Variants in CAMK2N2 observed in about 807,000 individuals in gnomAD.
The protein encoded by CAMK2N2 is calcium/calmodulin-dependent protein kinase II inhibitor 2.
In CAMK2N2, 3 loss-of-function variants were observed where a neutral mutation model predicts 7.8. The observed-to-expected ratio is 0.38, with a 90% CI of 0.18 to 0.99. The LOEUF (loss-of-function observed/expected upper bound fraction) is 0.99. Ranked by LOEUF, CAMK2N2 falls within the 50% of genes least tolerant of loss-of-function variation. CAMK2N2 has a pLI of 0.37. For synonymous variants in CAMK2N2, 45 were observed against 46.6 expected (o/e 0.97, Z 0.14); for missense variants, 85 against 108.4 (o/e 0.78, Z 0.96).
rs1349933490 is a variant in CAMK2N2 at position 184,260,073 on chromosome 3, G to C, written c.*84C>G. ...CCCGCGGGCGCCTGGGCCGGGGCGG[G>C]GGGGCGCCGGCAGCCGCATCGCCGG... On this transcript the variant is annotated 3_prime_UTR_variant, in exon 2 of 2. Coordinates refer to ENST00000296238, the MANE Select transcript of CAMK2N2 (RefSeq NM_033259.3). The surrounding 1 kb of genome is among the most constrained non-coding windows in gnomAD (Gnocchi z 6.6). 14 of 774,238 alleles carry C rather than the reference G, an allele frequency of 1.8e-5. 1 individual carries two copies. The highest frequency in any genetic ancestry group is 6.4e-5 in the Admixed American group (1 of 15,542). The allele number at this position is 774,238 out of a possible 1,614,324, so 48.0% of individuals were successfully genotyped here. A position where few individuals can be genotyped will look rare whatever the true frequency, so the allele number is the denominator to read the frequency against.
chr3:184,260,153 G>A lies in CAMK2N2; in HGVS notation c.*4C>T, dbSNP rs1416682969. 6.5e-7 allele frequency: 1 copy of A among 1,544,926 alleles called. No homozygotes were observed. The highest frequency in any genetic ancestry group is 1.2e-5 in the South Asian group (1 of 84,014). ...CCCGGAGCCCGCCGCCCGAGCCGGCGCGTCTACACTCCGGACGGCGGCTTC... is the reference window on the plus strand; with the variant it reads ...CCCGGAGCCCGCCGCCCGAGCCGGCACGTCTACACTCCGGACGGCGGCTTC... On this transcript the variant is annotated 3_prime_UTR_variant, in exon 2 of 2. Transcript: ENST00000296238. The surrounding 1 kb of genome is among the most constrained non-coding windows in gnomAD (Gnocchi z 6.6).
rs1401272467 is a variant in CAMK2N2, at chr3:184,261,441, C to T, written c.-156G>A. The T allele has an allele frequency of 6.4e-6, 3 of 472,196 alleles. No individual in the cohort carries two copies. The East Asian group carries it at 1.4e-4, about 23-fold the overall frequency. The allele number at this position is 472,196 out of a possible 1,614,324, so 29.3% of individuals were successfully genotyped here. A position where few individuals can be genotyped will look rare whatever the true frequency, so the allele number is the denominator to read the frequency against. On this transcript the variant is annotated 5_prime_UTR_variant, in exon 1 of 2. Coordinates refer to ENST00000296238, the MANE Select transcript of CAMK2N2 (RefSeq NM_033259.3). The surrounding 1 kb of genome is among the most constrained non-coding windows in gnomAD (Gnocchi z 5.1). ...GAGGAGCCAAGCGGGGCCTCCTCCC[C>T]CGCGCCTCCGCCTCCCGGGCCGCTG...
Position 184,261,140 on chromosome 3 carries a change from C to G in CAMK2N2, c.146G>C (p.Gly49Ala). The change falls in exon 1 of 2, where the codon GGC becomes GCC. Residue 49 changes from glycine (G) to alanine (A), a missense_variant. Gly to Ala is a moderately conservative substitution (Grantham distance 60). Transcript: ENST00000296238. This position sits in a 1 kb window ranked among gnomAD's most constrained non-coding sequence, Gnocchi z 5.1. ...GNQAKRPPKL[G>A]QIGRAKRVVI... ...ACCTCGCTTGGCTCGGCCGATCTGG[C>G]CCAGCTTGGGGGGTCGCTTGGCCTG... 2 of 1,605,440 alleles carry G rather than the reference C, an allele frequency of 1.2e-6. No homozygotes were observed. Among genetic ancestry groups the G allele is most frequent in the South Asian group, 2.2e-5 (2 of 90,298 alleles).
chr3:184,260,260 C>T lies in CAMK2N2; in HGVS notation c.170-33G>A, dbSNP rs1438367692. The T allele has an allele frequency of 6.3e-7, 1 of 1,599,604 alleles. No homozygotes were observed. The highest frequency in any genetic ancestry group is 8.5e-7 in the Non-Finnish European group (1 of 1,170,846). ...GGGAGAAAGCGCGTCAGCCGCGCGGCCTCGGGGGGCGGCGGCGATGAGAAT... is the reference window on the plus strand; with the variant it reads ...GGGAGAAAGCGCGTCAGCCGCGCGGTCTCGGGGGGCGGCGGCGATGAGAAT... On this transcript the variant is annotated intron_variant, in intron 1 of 1. Coordinates refer to ENST00000296238, the MANE Select transcript of CAMK2N2 (RefSeq NM_033259.3). The surrounding 1 kb of genome is among the most constrained non-coding windows in gnomAD (Gnocchi z 6.6).
Position 184,260,198 on chromosome 3 carries a change from C to A in CAMK2N2, c.199G>T (p.Val67Leu). Residue 67 changes from valine (V) to leucine (L), a missense_variant, in exon 2 of 2, where the codon GTG (valine) becomes TTG (leucine). Coordinates refer to ENST00000296238, the MANE Select transcript of CAMK2N2 (RefSeq NM_033259.3). This position sits in a 1 kb window ranked among gnomAD's most constrained non-coding sequence, Gnocchi z 6.6. ...VVIEDDRIDD[V>L]LKGMGEKPPS... ...GGCTTCTCCCCCATCCCCTTCAGCA[C>A]GTCGTCTATCCGGTCATCCTCGATC... The A allele has an allele frequency of 6.2e-7, 1 of 1,610,766 alleles. No individual in the cohort carries two copies. Among genetic ancestry groups the A allele is most frequent in the Non-Finnish European group, 8.5e-7 (1 of 1,178,658 alleles).
At position 184,261,223 on chromosome 3, in the gene CAMK2N2, G is replaced by A. The variant is rs1239488233; in HGVS notation, c.63C>T (p.Gly21=). The change falls in exon 1 of 2, where the codon GGC becomes GGT. Residue 21 remains glycine, a synonymous_variant. Coordinates refer to ENST00000296238, the MANE Select transcript of CAMK2N2 (RefSeq NM_033259.3). The surrounding 1 kb of genome is among the most constrained non-coding windows in gnomAD (Gnocchi z 5.1). ...KMGRFGADPE[G]SDLSFSCRLQ... ...GGCGGCAGCTGAAGGAGAGGTCGGA[G>A]CCCTCGGGGTCTGCGCCGAAGCGGC... The A allele has an allele frequency of 6.2e-7, 1 of 1,606,314 alleles. No homozygotes were observed. The highest frequency in any genetic ancestry group is 1.4e-5 in the African/African-American group (1 of 73,578).
At position 184,260,089 on chromosome 3, in the gene CAMK2N2, G is replaced by T. The variant is rs1041973954; in HGVS notation, c.*68C>A. 14 of 914,718 alleles carry T rather than the reference G, an allele frequency of 1.5e-5. No homozygotes were observed. Among genetic ancestry groups the T allele is most frequent in the Non-Finnish European group, 1.8e-5 (14 of 757,456 alleles). 56.7% of individuals were successfully genotyped at this position (914,718 alleles called of 1,614,324 possible). On this transcript the variant is annotated 3_prime_UTR_variant, in exon 2 of 2. Coordinates refer to ENST00000296238, the MANE Select transcript of CAMK2N2 (RefSeq NM_033259.3). The surrounding 1 kb of genome is among the most constrained non-coding windows in gnomAD (Gnocchi z 6.6). ...CCGGGGCGGGGGGGCGCCGGCAGCC[G>T]CATCGCCGGCCCGCGCTCCTGGCCG...
Position 184,260,544 on chromosome 3 carries a change from C to G in CAMK2N2, c.170-317G>C, listed in dbSNP as rs572430983. Reference sequence around the variant, plus strand: ...CAGAAACCTCTTGCTCACGGAATCCCCCTCTTCAACCCGCACTTCAACAGA... The same window carrying G: ...CAGAAACCTCTTGCTCACGGAATCCGCCTCTTCAACCCGCACTTCAACAGA... On this transcript the variant is annotated intron_variant, in intron 1 of 1. Transcript: ENST00000296238. The surrounding 1 kb of genome is among the most constrained non-coding windows in gnomAD (Gnocchi z 6.6). Among the ~76,000 whole-genome samples the G allele has an allele frequency of 6.6e-6, 1 of 152,322 alleles. No individual in the cohort carries two copies. The highest frequency in any genetic ancestry group is 1.9e-4 in the East Asian group (1 of 5,170).
chr3:184,261,412 G>A lies in CAMK2N2; in HGVS notation c.-127C>T. 3 of 763,206 alleles carry A rather than the reference G, an allele frequency of 3.9e-6. No individual in the cohort carries two copies. The highest frequency in any genetic ancestry group is 5.3e-6 in the Non-Finnish European group (3 of 566,166). 47.3% of individuals were successfully genotyped at this position (763,206 alleles called of 1,614,324 possible). A position where few individuals can be genotyped will look rare whatever the true frequency, so the allele number is the denominator to read the frequency against. On this transcript the variant is annotated 5_prime_UTR_variant, in exon 1 of 2. Coordinates refer to ENST00000296238, the MANE Select transcript of CAMK2N2 (RefSeq NM_033259.3). This position sits in a 1 kb window ranked among gnomAD's most constrained non-coding sequence, Gnocchi z 5.1. ...AAGGATGAAGTCATGCAGCATCCGG[G>A]GCTGAGGAGCCAAGCGGGGCCTCCT...
Position 184,260,096 on chromosome 3 carries a change from C to G in CAMK2N2, c.*61G>C, listed in dbSNP as rs903067817. The G allele has an allele frequency of 1.7e-5, 17 of 1,010,592 alleles. No homozygotes were observed. In the African/African-American group the frequency reaches 2.8e-4, roughly 17 times the overall value. The allele number at this position is 1,010,592 out of a possible 1,614,324, so 62.6% of individuals were successfully genotyped here. A position where few individuals can be genotyped will look rare whatever the true frequency, so the allele number is the denominator to read the frequency against. On this transcript the variant is annotated 3_prime_UTR_variant, in exon 2 of 2. Transcript: ENST00000296238. This position sits in a 1 kb window ranked among gnomAD's most constrained non-coding sequence, Gnocchi z 6.6. ...GGGGGGGCGCCGGCAGCCGCATCGC[C>G]GGCCCGCGCTCCTGGCCGCTGCGAG...
Position 184,261,314 on chromosome 3 carries a change from A to AGCGGGACTGCGGCGGGGCGCGG in CAMK2N2, c.-51_-30dup. On this transcript the variant is annotated 5_prime_UTR_variant, in exon 1 of 2. Transcript: ENST00000296238. This position sits in a 1 kb window ranked among gnomAD's most constrained non-coding sequence, Gnocchi z 5.1. ...GGGCGCGGGGTGGGCGCGGGGCGGG[A>AGCGGGACTGCGGCGGGGCGCGG]GCGGGACTGCGGCGGGGCGCGGGCG... 1 of 1,445,074 alleles carries AGCGGGACTGCGGCGGGGCGCGG rather than the reference A, an allele frequency of 6.9e-7. No individual in the cohort carries two copies. Among genetic ancestry groups the AGCGGGACTGCGGCGGGGCGCGG allele is most frequent in the Non-Finnish European group, 9.0e-7 (1 of 1,106,594 alleles). 89.5% of individuals were successfully genotyped at this position (1,445,074 alleles called of 1,614,324 possible). A position where few individuals can be genotyped will look rare whatever the true frequency, so the allele number is the denominator to read the frequency against.
Position 184,260,986 on chromosome 3 carries a change from C to T in CAMK2N2, c.169+131G>A. 2.1e-6 allele frequency: 2 copies of T among 971,462 alleles called. No individual in the cohort carries two copies. The highest frequency in any genetic ancestry group is 2.8e-6 in the Non-Finnish European group (2 of 702,350). 60.2% of individuals were successfully genotyped at this position (971,462 alleles called of 1,614,324 possible). ...CTGCAGCGGGGACCCCCCCCTCCAG[C>T]CCGGGCTGGAGAGCGGCTGGTGCGC... On this transcript the variant is annotated intron_variant, in intron 1 of 1. Transcript: ENST00000296238. This position sits in a 1 kb window ranked among gnomAD's most constrained non-coding sequence, Gnocchi z 6.6.
rs1184489114 is a variant in CAMK2N2, at chr3:184,261,149, G to A, written c.137C>T (p.Pro46Leu). 1 of 1,606,616 alleles carries A rather than the reference G, an allele frequency of 6.2e-7. No individual in the cohort carries two copies. Among genetic ancestry groups the A allele is most frequent in the Non-Finnish European group, 8.5e-7 (1 of 1,177,488 alleles). The part of the protein sequence containing the change: ...FFAGNQAKRP[P>L]KLGQIGRAKR... ...GGCTCGGCCGATCTGGCCCAGCTTG[G>A]GGGGTCGCTTGGCCTGGTTGCCCGC... is the stretch of plus-strand genomic sequence containing the variant. The change falls in exon 1 of 2, where the codon CCC becomes CTC. Residue 46 changes from proline to leucine, a missense_variant. Coordinates refer to ENST00000296238, the MANE Select transcript of CAMK2N2 (RefSeq NM_033259.3). This position sits in a 1 kb window ranked among gnomAD's most constrained non-coding sequence, Gnocchi z 5.1.
In CAMK2N2 at chr3:184,260,265, G is replaced by C. The variant is rs764054440; in HGVS notation, c.170-38C>G. The C allele has an allele frequency of 8.2e-6, 13 of 1,592,928 alleles. No homozygotes were observed. Among genetic ancestry groups the C allele is most frequent in the Middle Eastern group, 1.7e-4 (1 of 5,998 alleles). ...AAAGCGCGTCAGCCGCGCGGCCTCG[G>C]GGGGCGGCGGCGATGAGAATGAGCC... is the stretch of plus-strand genomic sequence containing the variant. On this transcript the variant is annotated intron_variant, in intron 1 of 1. Transcript: ENST00000296238. The surrounding 1 kb of genome is among the most constrained non-coding windows in gnomAD (Gnocchi z 6.6).
Position 184,259,583 on chromosome 3 carries a change from T to A in CAMK2N2, c.*574A>T, listed in dbSNP as rs935066565. On this transcript the variant is annotated 3_prime_UTR_variant, in exon 2 of 2. Coordinates refer to ENST00000296238, the MANE Select transcript of CAMK2N2 (RefSeq NM_033259.3). ...GAGACTGAGGGGAGGGCAGGAACCA[T>A]GAGCAGAGCCAGTAAACAAAGAGTC... The A allele has an allele frequency of 1.3e-5, 2 of 152,622 alleles. No individual in the cohort carries two copies. 9.5% of individuals were successfully genotyped at this position (152,622 alleles called of 1,614,324 possible). A position where few individuals can be genotyped will look rare whatever the true frequency, so the allele number is the denominator to read the frequency against.
rs1719990616 is a variant in CAMK2N2, at chr3:184,260,209, C to T, written c.188G>A (p.Arg63Gln). ...RAKRVVIEDD[R>Q]IDDVLKGMGE... Reference sequence around the variant, plus strand: ...CATCCCCTTCAGCACGTCGTCTATCCGGTCATCCTCGATCACCACTGCGCA... The same window carrying T: ...CATCCCCTTCAGCACGTCGTCTATCTGGTCATCCTCGATCACCACTGCGCA... The change falls in exon 2 of 2, where the codon CGG becomes CAG. Residue 63 changes from arginine to glutamine, a missense_variant. Physicochemically the swap from Arg to Gln is conservative, Grantham distance 43 (BLOSUM62 1). Coordinates refer to ENST00000296238, the MANE Select transcript of CAMK2N2 (RefSeq NM_033259.3). The surrounding 1 kb of genome is among the most constrained non-coding windows in gnomAD (Gnocchi z 6.6). The T allele has an allele frequency of 1.2e-5, 19 of 1,610,674 alleles. No individual in the cohort carries two copies. The highest frequency in any genetic ancestry group is 1.4e-5 in the Non-Finnish European group (16 of 1,178,666).
At position 184,260,066 on chromosome 3, in the gene CAMK2N2, G is replaced by T; in HGVS notation, c.*91C>A. On this transcript the variant is annotated 3_prime_UTR_variant, in exon 2 of 2. Transcript: ENST00000296238. This position sits in a 1 kb window ranked among gnomAD's most constrained non-coding sequence, Gnocchi z 6.6. ...GCCCCCGCCCGCGGGCGCCTGGGCC[G>T]GGGCGGGGGGGCGCCGGCAGCCGCA... The T allele has an allele frequency of 1.4e-6, 1 of 705,594 alleles. No homozygotes were observed. Among genetic ancestry groups the T allele is most frequent in the Non-Finnish European group, 1.7e-6 (1 of 576,866 alleles). The allele number at this position is 705,594 out of a possible 1,614,324, so 43.7% of individuals were successfully genotyped here.
chr3:184,260,289 C>T lies in CAMK2N2; in HGVS notation c.170-62G>A. On this transcript the variant is annotated intron_variant, in intron 1 of 1. Transcript: ENST00000296238. The surrounding 1 kb of genome is among the most constrained non-coding windows in gnomAD (Gnocchi z 6.6). Reference sequence around the variant, plus strand: ...GGGGGGCGGCGGCGATGAGAATGAGCCCCGCGTCCTAGCTTCCCGCGCAGC... The same window carrying T: ...GGGGGGCGGCGGCGATGAGAATGAGTCCCGCGTCCTAGCTTCCCGCGCAGC... 6.6e-7 allele frequency: 1 copy of T among 1,512,540 alleles called. No individual in the cohort carries two copies. The highest frequency in any genetic ancestry group is 9.1e-7 in the Non-Finnish European group (1 of 1,098,288). The allele number at this position is 1,512,540 out of a possible 1,614,324, so 93.7% of individuals were successfully genotyped here.
chr3:184,260,872 G>T lies in CAMK2N2; in HGVS notation c.169+245C>A, dbSNP rs1455901908. ...ATGCCCCGACCGGCCCCTCCCCCTC[G>T]CCCGGGTGCCAGGGCTCTGCTTCCA... On this transcript the variant is annotated intron_variant, in intron 1 of 1. Coordinates refer to ENST00000296238, the MANE Select transcript of CAMK2N2 (RefSeq NM_033259.3). This position sits in a 1 kb window ranked among gnomAD's most constrained non-coding sequence, Gnocchi z 6.6. Among the ~76,000 whole-genome samples, 1 of 152,108 alleles carries T rather than the reference G, an allele frequency of 6.6e-6. No individual in the cohort carries two copies. Among genetic ancestry groups the T allele is most frequent in the African/African-American group, 2.4e-5 (1 of 41,416 alleles).
Sources: gnomAD v4.1 joint callset for allele counts (sites outside exome capture counted in the v4.1 genomes callset) on GRCh38, gnomAD v4.1.1 for gene constraint, Gnocchi (gnomAD v3.1) non-coding constraint, MANE v1.5 for transcripts, NCBI Gene and HGNC (gene_info 2026-07-23, HGNC 2026-07-21) for gene names.